Variants in PTK2 observed in about 807,000 individuals in gnomAD.
PTK2 encodes focal adhesion kinase 1.
Under a neutral mutation model 150.1 loss-of-function variants are expected in PTK2, and 45 were observed. The ratio of observed to expected loss-of-function variants is 0.30; its 90% CI spans 0.24 to 0.38. The LOEUF (loss-of-function observed/expected upper bound fraction) is 0.38. PTK2 is among the 10% of genes least tolerant of loss of function. PTK2 has a pLI of 1.00. For synonymous variants in PTK2, 432 were observed against 449.2 expected (o/e 0.96, Z 0.48); for missense variants, 919 against 1,307.3 (o/e 0.70, Z 4.58).
At chr8:140,692,872 C>T (rs1005916342) in intron 26 of PTK2, among the ~76,000 whole-genome samples, 16 of 152,182 alleles carry the variant, frequency 1.1e-4, no homozygotes, top group African/African-American at 3.9e-4. Flanking sequence ...CTTGCCACTG[C>T]TCTTTAGTTC....
chr8:140,821,878 TA>T, intron 8 of PTK2: 1 of 152,190 alleles, frequency 6.6e-6, no homozygotes, highest in East Asian at 1.9e-4. Flanking sequence ...GGCTTGACTA[TA>T]AAATGTATCA....
At chr8:140,847,656 A>C (rs2100126413) in intron 5 of PTK2, among the ~76,000 whole-genome samples, 1 of 152,208 alleles carries the variant, frequency 6.6e-6, no homozygotes, top group Admixed American at 6.5e-5. Context: ...TATCAACACA[A>C]AAATTTGTGG....
chr8:140,686,760 T>C, intron 26 of PTK2, 66 bp from the exon 30 acceptor site: 1 of 1,352,574 alleles, frequency 7.4e-7, no homozygotes, highest in Non-Finnish European at 1.0e-6. Context: ...ACAGATTCTG[T>C]ATTAAATTCC....
chr8:140,964,132 C>T (rs191668044), intron 1 of PTK2, among the ~76,000 whole-genome samples: 41 of 152,076 alleles, frequency 2.7e-4, no homozygotes, highest in Non-Finnish European at 5.0e-4. Flanking sequence ...AATCTGCCTT[C>T]CATGACCCTC....
intron 2 of PTK2, among the ~76,000 whole-genome samples, chr8:140,915,618 C>T (rs1180938760): frequency 1.3e-5 from 2 of 152,084 alleles, no homozygotes; most frequent in East Asian, 1.9e-4. Context: ...ATATCCAGGC[C>T]GGGCACGGTG....
At chr8:140,852,414 A>C (rs1024803797) in intron 5 of PTK2, among the ~76,000 whole-genome samples, 1 of 152,154 alleles carries the variant, frequency 6.6e-6, no homozygotes, top group Admixed American at 6.5e-5. Flanking sequence ...ACCTGTGATA[A>C]AACTGCACAG....
chr8:140,859,551 A>C (rs890048940), intron 5 of PTK2, among the ~76,000 whole-genome samples: 10 of 152,214 alleles, frequency 6.6e-5, no homozygotes, highest in African/African-American at 2.4e-4. Flanking sequence ...AAATGTTTGC[A>C]TCAAATATTA....
At chr8:140,974,191 C>T (rs1490210253) in intron 1 of PTK2, among the ~76,000 whole-genome samples, 1 of 152,104 alleles carries the variant, frequency 6.6e-6, no homozygotes, top group East Asian at 1.9e-4. Flanking sequence ...AACTGCTCGG[C>T]GGCCACCCTG....
At chr8:140,920,368 CAAT>C (rs1413820170) in intron 2 of PTK2, among the ~76,000 whole-genome samples, 2 of 152,034 alleles carry the variant, frequency 1.3e-5, no homozygotes, top group Non-Finnish European at 2.9e-5. Context: ...GCCCACCTTA[CAAT>C]AATACCGAGT....
chr8:140,889,738 G>A (rs957897421), intron 3 of PTK2, among the ~76,000 whole-genome samples: 1 of 152,052 alleles, frequency 6.6e-6, no homozygotes, highest in Non-Finnish European at 1.5e-5. Flanking sequence ...GGGTAAGAAA[G>A]AGGAGGTATT....
intron 8 of PTK2, among the ~76,000 whole-genome samples, chr8:140,830,248 G>A (rs140848024): frequency 1.3e-4 from 20 of 152,256 alleles, no homozygotes; most frequent in African/African-American, 4.8e-4. Context: ...GCTTAGCAGA[G>A]TATCAAACAC....
chr8:140,879,676 G>GA, intron 3 of PTK2, 39 bp from the exon 4 acceptor site: 5,219 of 34,708 alleles, frequency 0.15, 774 homozygotes, highest in Non-Finnish European at 0.16. Context: ...GTTATAAACT[G>GA]AAAAAAAAAA....
rs560204904 is a variant in PTK2, at chr8:140,819,746, T to C, written c.649-726A>G. Among the ~76,000 whole-genome samples the C allele has an allele frequency of 1.2e-3, 178 of 152,322 alleles. 2 individuals are homozygous for C. Among genetic ancestry groups the C allele is most frequent in the African/African-American group, 4.1e-3 (170 of 41,568 alleles). On this transcript the variant is annotated intron_variant, in intron 8 of 31. Coordinates refer to ENST00000522684, the Ensembl canonical transcript of PTK2. ...GTGGGTCCTGGTGAGCACACAGCAA[T>C]GTACCCATGAAGGAGATAAAGCAAC...
intron 14 of PTK2, among the ~76,000 whole-genome samples, chr8:140,766,599 C>G (rs564086395): frequency 1.4e-4 from 21 of 152,354 alleles, no homozygotes; most frequent in Admixed American, 3.9e-4. Flanking sequence ...GTGTCCTCAG[C>G]AGCTAAAACA....
chr8:140,719,887 CAAAAAAAAAAAAAAA>C (rs71308987), intron 22 of PTK2, among the ~76,000 whole-genome samples: 1 of 90,890 alleles, frequency 1.1e-5, no homozygotes, highest in South Asian at 3.7e-4. Flanking sequence ...CTTGTCTCAC[CAAAAAAAAAAAAAAA>C]AAAAAAAAAA....
chr8:140,878,771 T>C (rs2100147162), intron 4 of PTK2, among the ~76,000 whole-genome samples: 1 of 152,012 alleles, frequency 6.6e-6, no homozygotes, highest in African/African-American at 2.4e-5. Flanking sequence ...GAAGCCCATT[T>C]TTACAAGTTA....
intron 1 of PTK2, among the ~76,000 whole-genome samples, chr8:140,962,079 C>G (rs1441457270): frequency 1.3e-5 from 2 of 151,508 alleles, no homozygotes; most frequent in Non-Finnish European, 2.9e-5. Context: ...CCCGTCTCTA[C>G]TAAAAAAAAT....
chr8:140,692,160 T>A (rs1020134477), intron 26 of PTK2, among the ~76,000 whole-genome samples: 1 of 152,254 alleles, frequency 6.6e-6, no homozygotes, highest in East Asian at 1.9e-4. Flanking sequence ...ATTTTAATTT[T>A]AAAATGAGAA....
chr8:140,940,347 T>C (rs945499341), intron 1 of PTK2, among the ~76,000 whole-genome samples: 1 of 152,002 alleles, frequency 6.6e-6, no homozygotes, highest in Non-Finnish European at 1.5e-5. Context: ...ATGGCGCCAC[T>C]TGAGAGACTC....
Sources: gnomAD v4.1 joint callset for allele counts (sites outside exome capture counted in the v4.1 genomes callset) on GRCh38, gnomAD v4.1.1 for gene constraint, MANE v1.5 for transcripts, NCBI Gene and HGNC (gene_info 2026-07-23, HGNC 2026-07-21) for gene names.